The following DENND1A variants were observed in gnomAD, a reference collection of about 807,000 sequenced individuals.
DENND1A encodes the protein DENN domain-containing protein 1A.
DENND1A carries 51 observed loss-of-function variants against 113.7 expected under a neutral mutation model. The observed-to-expected ratio is 0.45, with a 90% CI of 0.36 to 0.57. DENND1A has a LOEUF of 0.57. Among genes scored for constraint, DENND1A ranks in the 20% least tolerant of loss-of-function variants. The probability of loss-of-function intolerance (pLI) is 0.00; values close to 1 mark genes in which losing one functional copy is unlikely to be tolerated. For missense variants in DENND1A, 1,258 were observed against 1,395.9 expected (o/e 0.90, Z 1.57); for synonymous variants, 565 against 570.8 (o/e 0.99, Z 0.14).
At chr9:123,861,230 C>T (rs372976761) in intron 2 of DENND1A, among the ~76,000 whole-genome samples, 1 of 152,120 alleles carries the variant, frequency 6.6e-6, no homozygotes, top group Non-Finnish European at 1.5e-5. Flanking sequence ...AAGAAAAATT[C>T]TCCTTCAAAT....
intron 2 of DENND1A, among the ~76,000 whole-genome samples, chr9:123,865,940 G>C (rs1228990700): frequency 6.6e-6 from 1 of 152,192 alleles, no homozygotes; most frequent in African/African-American, 2.4e-5. Context: ...CAAAATACTA[G>C]AAAGAGGAAA....
chr9:123,471,408 T>A (rs1053848078), intron 13 of DENND1A, among the ~76,000 whole-genome samples: 1 of 152,088 alleles, frequency 6.6e-6, no homozygotes, highest in Non-Finnish European at 1.5e-5. Flanking sequence ...TAAGAAAGGA[T>A]CTGTTTTCCA....
intron 22 of DENND1A, among the ~76,000 whole-genome samples, chr9:123,385,227 C>T (rs926391639): frequency 3.3e-5 from 5 of 152,136 alleles, no homozygotes; most frequent in African/African-American, 1.2e-4. Context: ...TGCAATGGCG[C>T]AGTCTCGGCT....
chr9:123,876,066 G>C (rs1489161499), intron 2 of DENND1A, among the ~76,000 whole-genome samples: 1 of 152,146 alleles, frequency 6.6e-6, no homozygotes, highest in East Asian at 1.9e-4. Flanking sequence ...ATCATGGTCT[G>C]CTTACTGGAT....
At chr9:123,500,795 C>CA (rs1467975967) in intron 13 of DENND1A, among the ~76,000 whole-genome samples, 2 of 152,218 alleles carry the variant, frequency 1.3e-5, no homozygotes, top group African/African-American at 4.8e-5. Flanking sequence ...GAACCATACT[C>CA]AAATCTGGGT....
rs56006420 is a variant in DENND1A at position 123,740,899 on chromosome 9, TGAGAGAGAGAGAGAGAGA to T, written c.302+16786_302+16803del. Among the ~76,000 whole-genome samples the T allele has an allele frequency of 4.0e-3, 441 of 108,940 alleles. 1 individual carries two copies. The highest frequency in any genetic ancestry group is 0.013 in the African/African-American group (356 of 26,880). The allele number at this position is 108,940 out of a possible 152,430, so 71.5% of individuals were successfully genotyped here. A position where few individuals can be genotyped will look rare whatever the true frequency, so the allele number is the denominator to read the frequency against. ...AAGAAAGATGCTGAGGAAGGGAAAG[TGAGAGAGAGAGAGAGAGA>T]GAGAGAGAGAGAGAGAGAGAGAGAG... On this transcript the variant is annotated intron_variant, in intron 5 of 23. Transcript: ENST00000394215.
Position 123,383,675 on chromosome 9 carries a change from G to T in DENND1A, c.1999C>A (p.Pro667Thr). 6.2e-7 allele frequency: 1 copy of T among 1,613,872 alleles called. No individual in the cohort carries two copies. The highest frequency in any genetic ancestry group is 8.5e-7 in the Non-Finnish European group (1 of 1,179,942). ...LRAPKDLREQ[P>T]GTFDYQRLDL... The stretch of plus-strand genomic sequence containing the variant: ...CATACCTGATAGTCAAAGGTCCCTG[G>T]CTGCTCCCTCAGGTCTTTGGGGGCA... The change falls in exon 23 of 24, where the codon CCA becomes ACA. Residue 667 changes from proline to threonine, a missense_variant. Coordinates refer to ENST00000394215, the MANE Select transcript of DENND1A (RefSeq NM_001352964.2).
At chr9:123,435,443 G>T (rs901760514) in intron 19 of DENND1A, among the ~76,000 whole-genome samples, 1 of 152,174 alleles carries the variant, frequency 6.6e-6, no homozygotes, top group Non-Finnish European at 1.5e-5. Context: ...TGGAAGCCAC[G>T]GTGGTGCTTG....
At chr9:123,619,104 G>A (rs941514269) in intron 10 of DENND1A, among the ~76,000 whole-genome samples, 13 of 152,004 alleles carry the variant, frequency 8.6e-5, no homozygotes, top group South Asian at 2.1e-4. Flanking sequence ...ACGCCACCAC[G>A]CCCAGCTAAT....
intron 8 of DENND1A, among the ~76,000 whole-genome samples, chr9:123,660,734 A>C (rs1372650466): frequency 1.3e-5 from 2 of 152,244 alleles, no homozygotes; most frequent in African/African-American, 4.8e-5. Context: ...TCCCAGAAAA[A>C]GTCAAAGTAA....
intron 9 of DENND1A, among the ~76,000 whole-genome samples, chr9:123,638,278 C>T (rs2138934549): frequency 6.6e-6 from 1 of 152,186 alleles, no homozygotes; most frequent in Admixed American, 6.5e-5. Flanking sequence ...CCCACAGCAC[C>T]ATGAGTGAGG....
At chr9:123,887,901 C>A (rs678989) in intron 1 of DENND1A, among the ~76,000 whole-genome samples, 44,140 of 152,062 alleles carry the variant, frequency 0.29, 10,277 homozygotes, top group African/African-American at 0.65. Context: ...ATTTGAAATG[C>A]AGATATTAGA....
rs1305139510 is a variant in DENND1A, at chr9:123,853,038, C to T, written c.88+25913G>A. Among the ~76,000 whole-genome samples the T allele has an allele frequency of 2.6e-5, 4 of 152,100 alleles. No individual in the cohort carries two copies. The East Asian group carries it at 5.8e-4, about 22-fold the overall frequency. ...GGTTAAAGCCATTCTCCTGCCTCAG[C>T]CTCCCCAAGTAACTGGGATTACAGG... On this transcript the variant is annotated intron_variant, in intron 2 of 23. Coordinates refer to ENST00000394215, the MANE Select transcript of DENND1A (RefSeq NM_001352964.2).
intron 19 of DENND1A, among the ~76,000 whole-genome samples, chr9:123,425,811 C>G (rs1588468363): frequency 6.6e-6 from 1 of 152,114 alleles, no homozygotes; most frequent in Non-Finnish European, 1.5e-5. Context: ...GGGGGCTTGT[C>G]AAGGGAAGGC....
At position 123,381,455 on chromosome 9, in the gene DENND1A, T is replaced by G; in HGVS notation, c.3190A>C (p.Lys1064Gln). 1 of 1,613,222 alleles carries G rather than the reference T, an allele frequency of 6.2e-7. No homozygotes were observed. The highest frequency in any genetic ancestry group is 8.5e-7 in the Non-Finnish European group (1 of 1,179,926). ...GCTCACTCGAAGGTCTCCCACTGCT[T>G]CCTGAGCTGCTCCACCGAGTCTGGG... ...PAPDSVEQLR[K>Q]QWETFE The change falls in exon 24 of 24, where the codon AAG becomes CAG. Residue 1064 changes from lysine (K) to glutamine (Q), a missense_variant. Lys to Gln is a moderately conservative substitution (Grantham distance 53, BLOSUM62 1). Coordinates refer to ENST00000394215, the MANE Select transcript of DENND1A (RefSeq NM_001352964.2). The surrounding 1 kb of genome is among the most constrained non-coding windows in gnomAD (Gnocchi z 4.7).
intron 5 of DENND1A, among the ~76,000 whole-genome samples, chr9:123,737,576 C>A (rs990268346): frequency 6.6e-6 from 1 of 152,112 alleles, no homozygotes; most frequent in Non-Finnish European, 1.5e-5. Flanking sequence ...TTGGAAAAAA[C>A]GTAGCAGAAG....
At chr9:123,536,784 G>T (rs537650534) in intron 13 of DENND1A, among the ~76,000 whole-genome samples, 11 of 152,248 alleles carry the variant, frequency 7.2e-5, no homozygotes, top group Admixed American at 4.6e-4. Flanking sequence ...GGAAATGGAG[G>T]TCTAGATCAA....
At chr9:123,674,915 G>C (rs1054270884) in intron 6 of DENND1A, among the ~76,000 whole-genome samples, 1 of 148,996 alleles carries the variant, frequency 6.7e-6, no homozygotes. Flanking sequence ...AACCTGTTAA[G>C]AGCCTACATA....
intron 5 of DENND1A, among the ~76,000 whole-genome samples, chr9:123,710,155 A>C (rs2140917219): frequency 6.6e-6 from 1 of 152,336 alleles, no homozygotes; most frequent in South Asian, 2.1e-4. Context: ...CCAAATCTTT[A>C]CCTAGCTCTA....
Sources: gnomAD v4.1 joint callset for allele counts (sites outside exome capture counted in the v4.1 genomes callset) on GRCh38, gnomAD v4.1.1 for gene constraint, Gnocchi (gnomAD v3.1) non-coding constraint, MANE v1.5 for transcripts, NCBI Gene and HGNC (gene_info 2026-07-23, HGNC 2026-07-21) for gene names.